TMEM132D: variants seen among roughly 807,000 people sequenced by gnomAD.
TMEM132D encodes the protein mature OL transmembrane protein.
In TMEM132D, 21 loss-of-function variants were observed where a neutral mutation model predicts 62.3. That is an observed-to-expected ratio of 0.34 (90% confidence interval 0.24 to 0.49). The LOEUF (loss-of-function observed/expected upper bound fraction) is 0.49, where lower values mean the gene tolerates loss of function less well. Ranked by LOEUF, TMEM132D falls within the 20% of genes least tolerant of loss-of-function variation. The pLI is 0.99. For synonymous variants in TMEM132D, 621 were observed against 575.6 expected (o/e 1.08, Z -1.13); for missense variants, 1,346 against 1,402.8 (o/e 0.96, Z 0.65).
chr12:129,726,712 A>C (rs1869049263), intron 1 of TMEM132D, among the ~76,000 whole-genome samples: 1 of 152,184 alleles, frequency 6.6e-6, no homozygotes, highest in African/African-American at 2.4e-5. Flanking sequence ...CAACTGCAGT[A>C]ATGAATCCAA....
chr12:129,085,468 CT>C (rs1874587965), intron 5 of TMEM132D: 1 of 152,314 alleles, frequency 6.6e-6, no homozygotes. Context: ...AATGATGCAC[CT>C]CCTGCTGGTT....
chr12:129,599,016 G>A (rs139604835), intron 2 of TMEM132D, among the ~76,000 whole-genome samples: 2 of 152,172 alleles, frequency 1.3e-5, no homozygotes, highest in African/African-American at 4.8e-5. Context: ...AGTTTGGAGA[G>A]AATCTCTTTC....
intron 5 of TMEM132D, chr12:129,170,048 C>A (rs1348221766): frequency 1.3e-5 from 2 of 152,238 alleles, no homozygotes; most frequent in African/African-American, 4.8e-5. Flanking sequence ...AGATGCCACA[C>A]TGGACCACGG....
At chr12:129,287,852 C>G (rs1194032563) in intron 4 of TMEM132D, among the ~76,000 whole-genome samples, 4 of 152,198 alleles carry the variant, frequency 2.6e-5, no homozygotes, top group Non-Finnish European at 5.9e-5. Context: ...AAACAGTTCA[C>G]TGTACATGCG....
chr12:129,158,148 G>A (rs773098575), intron 5 of TMEM132D, among the ~76,000 whole-genome samples: 3 of 152,184 alleles, frequency 2.0e-5, no homozygotes, highest in Non-Finnish European at 2.9e-5. Context: ...ACTGAAGTGA[G>A]AGATGACGGT....
rs531245258 is a variant in TMEM132D, at chr12:129,449,069, T to C, written c.1115+81990A>G. Among the ~76,000 whole-genome samples, 11 of 152,298 alleles carry C rather than the reference T, an allele frequency of 7.2e-5. 1 individual carries two copies. Among genetic ancestry groups the C allele is most frequent in the Admixed American group, 7.2e-4 (11 of 15,298 alleles). ...CCTTACCTGCAGGCCACCTTCTTGT[T>C]TGTTTTTCTTTTATCTTCCGGATAA... On this transcript the variant is annotated intron_variant, in intron 3 of 8. Transcript: ENST00000422113.
At chr12:129,409,742 C>T (rs1000904070) in intron 3 of TMEM132D, among the ~76,000 whole-genome samples, 3 of 152,122 alleles carry the variant, frequency 2.0e-5, no homozygotes, top group African/African-American at 7.2e-5. Context: ...CATATTTGAA[C>T]ACAATATTAC....
At chr12:129,854,115 C>CGTCACTG (rs1873635969) in intron 1 of TMEM132D, among the ~76,000 whole-genome samples, 1 of 152,158 alleles carries the variant, frequency 6.6e-6, no homozygotes, top group African/African-American at 2.4e-5. Flanking sequence ...TCCCATGTTA[C>CGTCACTG]GTCACTGGCT....
At chr12:129,862,189 G>T (rs544676336) in intron 1 of TMEM132D, among the ~76,000 whole-genome samples, 1 of 152,296 alleles carries the variant, frequency 6.6e-6, no homozygotes, top group Non-Finnish European at 1.5e-5. Flanking sequence ...GTCTGTCTGG[G>T]AAGTGGGAAA....
chr12:129,295,797 T>C (rs1450316376), intron 4 of TMEM132D, among the ~76,000 whole-genome samples: 2 of 152,184 alleles, frequency 1.3e-5, no homozygotes, highest in Non-Finnish European at 2.9e-5. Flanking sequence ...CTTTAAATCA[T>C]CTCTAGATTA....
chr12:129,614,059 G>A (rs1398744334), intron 2 of TMEM132D, among the ~76,000 whole-genome samples: 3 of 137,474 alleles, frequency 2.2e-5, no homozygotes, highest in African/African-American at 7.4e-5. Flanking sequence ...ACTATCTCCA[G>A]AACCCAAGGG....
chr12:129,297,914 A>T (rs556266818), intron 4 of TMEM132D, among the ~76,000 whole-genome samples: 36 of 152,320 alleles, frequency 2.4e-4, no homozygotes, highest in Admixed American at 1.1e-3. Context: ...AGACAGAAAG[A>T]TCACTCTGGA....
intron 3 of TMEM132D, among the ~76,000 whole-genome samples, chr12:129,491,205 T>C (rs1874785519): frequency 6.6e-6 from 1 of 152,306 alleles, no homozygotes; most frequent in Admixed American, 6.5e-5. Flanking sequence ...GAAAAGTCGC[T>C]AACGAACATG....
chr12:129,137,893 T>TTG (rs1242459268), intron 5 of TMEM132D, among the ~76,000 whole-genome samples: 1 of 151,996 alleles, frequency 6.6e-6, no homozygotes, highest in Non-Finnish European at 1.5e-5. Context: ...ATAAGAGGTT[T>TTG]TTTTTTTCTT....
chr12:129,838,952 T>C lies in TMEM132D; in HGVS notation c.79+64309A>G, dbSNP rs1035538849. ...GAATAGGAACTTTTAAACTTAAAACTCTTTTTTTTTTTTTTTTGAGACGAA... is the reference window on the plus strand; with the variant it reads ...GAATAGGAACTTTTAAACTTAAAACCCTTTTTTTTTTTTTTTTGAGACGAA... On this transcript the variant is annotated intron_variant, in intron 1 of 8. Transcript: ENST00000422113. 2.2e-3 allele frequency among the ~76,000 whole-genome samples: 301 copies of C among 139,898 alleles called. 3 individuals carry two copies. Among genetic ancestry groups the C allele is most frequent in the African/African-American group, 7.6e-3 (292 of 38,584 alleles). The allele number at this position is 139,898 out of a possible 152,430, so 91.8% of individuals were successfully genotyped here. A position where few individuals can be genotyped will look rare whatever the true frequency, so the allele number is the denominator to read the frequency against.
chr12:129,465,882 CA>C (rs764630493), intron 3 of TMEM132D, among the ~76,000 whole-genome samples: 14 of 152,110 alleles, frequency 9.2e-5, no homozygotes, highest in Non-Finnish European at 1.6e-4. Flanking sequence ...GGGGTTTCAC[CA>C]CGTTGGCCAG....
At chr12:129,487,794 G>A (rs1874630384) in intron 3 of TMEM132D, among the ~76,000 whole-genome samples, 3 of 151,744 alleles carry the variant, frequency 2.0e-5, no homozygotes, top group African/African-American at 7.3e-5. Context: ...AAAATTAGCT[G>A]GGCATGGTGG....
intron 5 of TMEM132D, among the ~76,000 whole-genome samples, chr12:129,147,637 G>C (rs949386987): frequency 3.3e-5 from 5 of 152,122 alleles, no homozygotes; most frequent in African/African-American, 1.2e-4. Context: ...ACGTATTCGT[G>C]TTAGACATTG....
intron 2 of TMEM132D, among the ~76,000 whole-genome samples, chr12:129,672,967 T>G (rs1880535595): frequency 1.3e-5 from 2 of 152,170 alleles, no homozygotes. Context: ...GGGCTGGTCT[T>G]GAACTCCTGA....
Sources: allele counts gnomAD v4.1 joint callset (sites outside exome capture counted in the v4.1 genomes callset), GRCh38; gene constraint gnomAD v4.1.1; transcripts MANE v1.5; gene names NCBI Gene and HGNC (gene_info 2026-07-23, HGNC 2026-07-21).